Variants in ZFHX4 observed in about 807,000 individuals in gnomAD.
The protein encoded by ZFHX4 is zinc finger homeobox protein 4.
Under a neutral mutation model 267.6 loss-of-function variants are expected in ZFHX4, and 56 were observed. That is an observed-to-expected ratio of 0.21 (90% CI 0.17 to 0.26). The LOEUF (loss-of-function observed/expected upper bound fraction) is 0.26, where lower values mean the gene tolerates loss of function less well. Among genes scored for constraint, ZFHX4 ranks in the 10% least tolerant of loss-of-function variants. ZFHX4 has a pLI of 1.00. For missense variants in ZFHX4, 4,332 were observed against 4,420.0 expected, an observed-to-expected ratio of 0.98 and a Z score of 0.56; for synonymous variants, 1,778 against 1,665.6, an observed-to-expected ratio of 1.07 and a Z score of -1.64.
intron 4 of ZFHX4, among the ~76,000 whole-genome samples, chr8:76,794,066 T>A (rs1810909155): frequency 6.6e-6 from 1 of 152,202 alleles, no homozygotes; most frequent in Non-Finnish European, 1.5e-5. Context: ...AGAACTTTTT[T>A]ATTTTTTTGG....
intron 4 of ZFHX4, among the ~76,000 whole-genome samples, chr8:76,829,245 T>C (rs976282969): frequency 5.4e-5 from 7 of 130,430 alleles, no homozygotes; most frequent in African/African-American, 2.0e-4. Context: ...GTATGGATTA[T>C]AGTTTTGCAA....
Position 76,849,136 on chromosome 8 carries a change from C to A in ZFHX4, c.3645+8C>A. On this transcript the variant is annotated splice_region_variant and intron_variant, in intron 7 of 10. Transcript: ENST00000651372. The stretch of plus-strand genomic sequence containing the variant: ...AAATTCTGTCATGAACAGGTAAATA[C>A]TTTTTTTCCCCTTTACTGTGTAAAT... 1.3e-6 allele frequency: 2 copies of A among 1,543,004 alleles called. No individual in the cohort carries two copies. The highest frequency in any genetic ancestry group is 1.7e-6 in the Non-Finnish European group (2 of 1,144,878).
At position 76,778,183 on chromosome 8, in the gene ZFHX4, C is replaced by T. The variant is rs764514939; in HGVS notation, c.3094-25C>T. 4.7e-6 allele frequency: 7 copies of T among 1,501,312 alleles called. No homozygotes were observed. The South Asian group carries it at 7.9e-5, about 17-fold the overall frequency. The allele number at this position is 1,501,312 out of a possible 1,614,324, so 93.0% of individuals were successfully genotyped here. A position where few individuals can be genotyped will look rare whatever the true frequency, so the allele number is the denominator to read the frequency against. On this transcript the variant is annotated intron_variant, in intron 3 of 10. Coordinates refer to ENST00000651372, the MANE Select transcript of ZFHX4 (RefSeq NM_024721.5). Reference sequence around the variant, plus strand: ...TCCACCATGGAGCTAGACCATTGTTCTAATGAGCCTTCCCTTCCTTTCAGC... The same window carrying T: ...TCCACCATGGAGCTAGACCATTGTTTTAATGAGCCTTCCCTTCCTTTCAGC...
chr8:76,818,920 A>AAAAAG (rs1356322614), intron 4 of ZFHX4, among the ~76,000 whole-genome samples: 1 of 152,090 alleles, frequency 6.6e-6, no homozygotes, highest in Admixed American at 6.6e-5. Flanking sequence ...TTGCCTAAAA[A>AAAAAG]AAAAGAAAAG....
chr8:76,781,818 C>T (rs1207321876), intron 4 of ZFHX4, among the ~76,000 whole-genome samples: 1 of 152,038 alleles, frequency 6.6e-6, no homozygotes, highest in African/African-American at 2.4e-5. Context: ...GGAAAGCAAT[C>T]ACAAGGCTGG....
rs558549987 is a variant in ZFHX4, at chr8:76,774,566, G to A, written c.3094-3642G>A. Among the ~76,000 whole-genome samples, 117 of 152,072 alleles carry A rather than the reference G, an allele frequency of 7.7e-4. 4 individuals carry two copies. In the South Asian group the frequency reaches 0.024, roughly 32 times the overall value. On this transcript the variant is annotated intron_variant, in intron 3 of 10. Coordinates refer to ENST00000651372, the MANE Select transcript of ZFHX4 (RefSeq NM_024721.5). ...ATGAAATGGAAAAATGAGAAATGATGTAAAAACCTAAAGGAGATATACAAA... is the reference window on the plus strand; with the variant it reads ...ATGAAATGGAAAAATGAGAAATGATATAAAAACCTAAAGGAGATATACAAA...
chr8:76,705,518 C>T lies in ZFHX4; in HGVS notation c.1430C>T (p.Ala477Val), dbSNP rs747829798. The T allele has an allele frequency of 1.9e-6, 3 of 1,613,510 alleles. No individual in the cohort carries two copies. The highest frequency in any genetic ancestry group is 2.5e-6 in the Non-Finnish European group (3 of 1,179,684). ...CCGGGAGATGAGGATGAAGAAGATG[C>T]GTACTCCAATGAACTTGATGACGAG... ...TEPGDEDEED[A>V]YSNELDDEEV... The change falls in exon 2 of 11, where the codon GCG becomes GTG. Residue 477 changes from alanine (A) to valine (V), a missense_variant. Transcript: ENST00000651372.
intron 3 of ZFHX4, among the ~76,000 whole-genome samples, chr8:76,727,450 T>C (rs1167150542): frequency 1.3e-5 from 2 of 152,162 alleles, no homozygotes; most frequent in East Asian, 3.9e-4. Flanking sequence ...CAGTATTTCA[T>C]GTGGATTGAT....
Position 76,823,570 on chromosome 8 carries a change from G to T in ZFHX4, c.3326-9768G>T, listed in dbSNP as rs539492286. Among the ~76,000 whole-genome samples the T allele has an allele frequency of 8.5e-5, 13 of 152,080 alleles. No individual in the cohort carries two copies. The South Asian group carries it at 2.7e-3, about 32-fold the overall frequency. ...TTCCAGATTTCTTTCACTTATGTTT[G>T]TATCAATCACTGCCTAGGTCAGATC... is the stretch of plus-strand genomic sequence containing the variant. On this transcript the variant is annotated intron_variant, in intron 4 of 10. Coordinates refer to ENST00000651372, the MANE Select transcript of ZFHX4 (RefSeq NM_024721.5).
At position 76,849,736 on chromosome 8, in the gene ZFHX4, A is replaced by G. The variant is rs750050038; in HGVS notation, c.3846+24A>G. ...CAGTAAGGATACCAAATATTGATGC[A>G]TGTGTGACATAATCTGTGTCAGGAA... On this transcript the variant is annotated intron_variant, in intron 8 of 10. Transcript: ENST00000651372. The G allele has an allele frequency of 5.7e-6, 9 of 1,585,644 alleles. No individual in the cohort carries two copies. In the African/African-American group the frequency reaches 9.4e-5, roughly 17 times the overall value.
rs564467850 is a variant in ZFHX4, at chr8:76,816,904, C to A, written c.3326-16434C>A. ...AGCCACCGTGCCCAGCCTTAAATGT[C>A]TTTTATGCTATAAGTTAAAATGTCT... is the stretch of plus-strand genomic sequence containing the variant. On this transcript the variant is annotated intron_variant, in intron 4 of 10. Coordinates refer to ENST00000651372, the MANE Select transcript of ZFHX4 (RefSeq NM_024721.5). Among the ~76,000 whole-genome samples, 4 of 152,158 alleles carry A rather than the reference C, an allele frequency of 2.6e-5. No individual in the cohort carries two copies. The East Asian group carries it at 7.7e-4, about 29-fold the overall frequency.
In ZFHX4 at chr8:76,851,636, T is replaced by C. The variant is rs369564846; in HGVS notation, c.4715T>C (p.Val1572Ala). Residue 1572 changes from valine (V) to alanine (A), a missense_variant, in exon 10 of 11, where the codon GTT (valine) becomes GCT (alanine). Transcript: ENST00000651372. Reference sequence around the variant, plus strand: ...TCTCACTTGCATAAGCTGAAAAAAGTTTTGCAGGAAGCCTCCAGTCCTGTC... The same window carrying C: ...TCTCACTTGCATAAGCTGAAAAAAGCTTTGCAGGAAGCCTCCAGTCCTGTC... ...SVSHLHKLKK[V>A]LQEASSPVPQ... The C allele has an allele frequency of 4.3e-6, 7 of 1,613,778 alleles. No homozygotes were observed. Among genetic ancestry groups the C allele is most frequent in the Non-Finnish European group, 5.9e-6 (7 of 1,179,820 alleles).
chr8:76,850,090 G>A, intron 8 of ZFHX4, 155 bp from the exon 9 acceptor site: 1 of 615,956 alleles, frequency 1.6e-6, no homozygotes, highest in East Asian at 2.8e-5. Flanking sequence ...ATCTAAAGTG[G>A]CAAGGTGTGG....
intron 3 of ZFHX4, among the ~76,000 whole-genome samples, chr8:76,752,487 C>CAAAAAAAAAAAAAAAAAAAA (rs144149879): frequency 1.4e-5 from 1 of 70,964 alleles, no homozygotes; most frequent in African/African-American, 4.4e-5. Context: ...ACCAAAAATC[C>CAAAAAAAAAAAAAAAAAAAA]AAAAAAAAAA....
chr8:76,780,078 A>G (rs1257642361), intron 4 of ZFHX4, among the ~76,000 whole-genome samples: 2 of 152,026 alleles, frequency 1.3e-5, no homozygotes, highest in African/African-American at 2.4e-5. Context: ...ACACAAAAGC[A>G]TGGTAACCCA....
chr8:76,829,632 A>T (rs1005250223), intron 4 of ZFHX4, among the ~76,000 whole-genome samples: 4 of 152,100 alleles, frequency 2.6e-5, no homozygotes, highest in Non-Finnish European at 5.9e-5. Context: ...AACATGAAGA[A>T]ACCCCATCTC....
At chr8:76,740,670 T>G (rs1375110113) in intron 3 of ZFHX4, among the ~76,000 whole-genome samples, 1 of 152,104 alleles carries the variant, frequency 6.6e-6, no homozygotes, top group Non-Finnish European at 1.5e-5. Flanking sequence ...ACTGGCTATA[T>G]GGGAGGTAAA....
Position 76,852,937 on chromosome 8 carries a change from C to T in ZFHX4, c.6016C>T (p.Pro2006Ser). ...SPSSPETPPP[P>S]PPPPPLPPAP... is the part of the protein sequence containing the mutation. Reference sequence around the variant, plus strand: ...ATCTTCTCCAGAAACGCCGCCCCCGCCACCTCCTCCTCCTCCCTTGCCTCC... The same window carrying T: ...ATCTTCTCCAGAAACGCCGCCCCCGTCACCTCCTCCTCCTCCCTTGCCTCC... The change falls in exon 10 of 11, where the codon CCA becomes TCA. Residue 2006 changes from proline to serine, a missense_variant. Pro to Ser is a moderately conservative substitution (Grantham distance 74). Around this residue, in one of 7 missense-constraint regions of ZFHX4, gnomAD observed 1,371 missense variants for 1,423.1 expected, o/e 0.96. Coordinates refer to ENST00000651372, the MANE Select transcript of ZFHX4 (RefSeq NM_024721.5). The T allele has an allele frequency of 6.3e-7, 1 of 1,587,328 alleles. No homozygotes were observed. The highest frequency in any genetic ancestry group is 8.6e-7 in the Non-Finnish European group (1 of 1,166,122).
intron 1 of ZFHX4, among the ~76,000 whole-genome samples, chr8:76,693,109 T>A (rs962041497): frequency 5.3e-5 from 8 of 152,242 alleles, no homozygotes; most frequent in Non-Finnish European, 2.9e-5. Context: ...CACCCACTTC[T>A]GTTTAAACAC....
Sources: allele counts gnomAD v4.1 joint callset (sites outside exome capture counted in the v4.1 genomes callset), GRCh38; gene constraint gnomAD v4.1.1; regional missense constraint gnomAD v4.1.1; transcripts MANE v1.5; gene names NCBI Gene and HGNC (gene_info 2026-07-23, HGNC 2026-07-21).